Variants in ZNF813 observed in about 807,000 individuals in gnomAD.
The protein encoded by ZNF813 is zinc finger protein 813.
Under a neutral mutation model 7.2 loss-of-function variants are expected in ZNF813, and 3 were observed. The observed-to-expected ratio is 0.42, with a 90% CI of 0.19 to 1.08. The LOEUF is 1.08. ZNF813 is among the 50% of genes least tolerant of loss of function. The pLI is 0.30. For synonymous variants in ZNF813, 227 were observed against 256.3 expected (o/e 0.89, Z 1.09); for missense variants, 714 against 753.3 (o/e 0.95, Z 0.61).
chr19:53,483,901 T>A, intron 2 of ZNF813, 64 bp downstream of exon 2: 1 of 1,612,978 alleles, frequency 6.2e-7, no homozygotes, highest in Admixed American at 1.7e-5. Flanking sequence ...GGCCTTGGAG[T>A]TGGGAATCTT....
At chr19:53,473,042 T>A (rs2086367013) in intron 1 of ZNF813, among the ~76,000 whole-genome samples, 1 of 152,134 alleles carries the variant, frequency 6.6e-6, no homozygotes, top group African/African-American at 2.4e-5. Flanking sequence ...CTATAGTTGC[T>A]TTTTCTACCA....
At chr19:53,476,698 C>G (rs1325333209) in intron 1 of ZNF813, among the ~76,000 whole-genome samples, 1 of 151,810 alleles carries the variant, frequency 6.6e-6, no homozygotes. Flanking sequence ...CTGTCGCCGA[C>G]GCTTAAGTGC....
chr19:53,488,334 T>TA (rs1600114346), intron 3 of ZNF813: 5 of 428,154 alleles, frequency 1.2e-5, no homozygotes, highest in Admixed American at 5.3e-5. Context: ...GTCTGTCTTT[T>TA]AATTTACCTT....
chr19:53,472,875 GT>G (rs1230022805), intron 1 of ZNF813, among the ~76,000 whole-genome samples: 1 of 152,098 alleles, frequency 6.6e-6, no homozygotes, highest in Non-Finnish European at 1.5e-5. Flanking sequence ...GCCTCCCAGA[GT>G]GCTGGAATTA....
Position 53,471,651 on chromosome 19 carries a change from T to C in ZNF813, c.-74+3862T>C, listed in dbSNP as rs149764630. On this transcript the variant is annotated intron_variant, in intron 1 of 3. Coordinates refer to ENST00000396403, the MANE Select transcript of ZNF813 (RefSeq NM_001004301.4). ...GGTGAAACCCCGTCTGTACTAAAAA[T>C]ACAAAAAGCAATTAGCCAGTCTTGG... 4.5e-4 allele frequency among the ~76,000 whole-genome samples: 69 copies of C among 151,664 alleles called. 1 individual carries two copies. The highest frequency in any genetic ancestry group is 1.5e-3 in the African/African-American group (62 of 41,290).
At position 53,492,181 on chromosome 19, in the gene ZNF813, A is replaced by AT; in HGVS notation, c.*97dup. On this transcript the variant is annotated 3_prime_UTR_variant, in exon 4 of 4. Transcript: ENST00000396403. ...CTTCTGTCACAATTCAGTCCTTGTA[A>AT]TTCATAAGAATTCATACTGGAGAGA... The AT allele has an allele frequency of 6.7e-7, 1 of 1,496,912 alleles. No individual in the cohort carries two copies. Among genetic ancestry groups the AT allele is most frequent in the Non-Finnish European group, 9.0e-7 (1 of 1,110,426 alleles). 92.7% of individuals were successfully genotyped at this position (1,496,912 alleles called of 1,614,324 possible).
intron 1 of ZNF813, among the ~76,000 whole-genome samples, chr19:53,475,954 T>C (rs192527697): frequency 1.2e-4 from 19 of 152,320 alleles, no homozygotes; most frequent in Admixed American, 1.2e-3. Context: ...CTCCTCTTTT[T>C]GTGGCTTCCT....
intron 1 of ZNF813, among the ~76,000 whole-genome samples, chr19:53,482,712 GTTTTTTTTT>G (rs869250512): frequency 2.2e-5 from 2 of 89,090 alleles, no homozygotes; most frequent in Non-Finnish European, 4.1e-5. Context: ...AATGCTTTTT[GTTTTTTTTT>G]TTTTTTTTTT....
chr19:53,487,488 T>G (rs943948457), intron 3 of ZNF813, among the ~76,000 whole-genome samples: 3 of 152,148 alleles, frequency 2.0e-5, no homozygotes, highest in African/African-American at 7.2e-5. Context: ...TCACCGCAAC[T>G]GGCTCTGCCT....
At position 53,492,709 on chromosome 19, in the gene ZNF813, A is replaced by G. The variant is rs2086469784; in HGVS notation, c.*623A>G. On this transcript the variant is annotated 3_prime_UTR_variant, in exon 4 of 4. Transcript: ENST00000396403. The stretch of plus-strand genomic sequence containing the variant: ...AGAACCCATAAGGAAGAGAGATCAT[A>G]CAAGTGTAATAATCGGCAAATTTTT... The G allele has an allele frequency of 6.7e-6, 5 of 749,986 alleles. No individual in the cohort carries two copies. Among genetic ancestry groups the G allele is most frequent in the African/African-American group, 3.6e-5 (2 of 56,134 alleles). 46.5% of individuals were successfully genotyped at this position (749,986 alleles called of 1,614,324 possible).
rs372871030 is a variant in ZNF813, at chr19:53,491,450, C to T, written c.1218C>T (p.Thr406=). The change falls in exon 4 of 4, where the codon ACC becomes ACT. Residue 406 remains threonine (T), a synonymous_variant. Transcript: ENST00000396403. ...TTAAATGCCATCGTAGACTTCATAC[C>T]GGAGAGAAGCCTTACAAGTGTAATG... The part of the protein sequence containing the change: ...LTLKCHRRLH[T]GEKPYKCNEC... 7.1e-5 allele frequency: 115 copies of T among 1,613,034 alleles called. No individual in the cohort carries two copies. The highest frequency in any genetic ancestry group is 1.6e-4 in the Middle Eastern group (1 of 6,078).
intron 3 of ZNF813, among the ~76,000 whole-genome samples, chr19:53,487,742 G>C (rs191511902): frequency 2.7e-5 from 4 of 150,012 alleles, no homozygotes; most frequent in Non-Finnish European, 5.9e-5. Flanking sequence ...AGGTTGCAGT[G>C]AGCTGAGACT....
At chr19:53,485,596 CAT>C (rs1568831865) in intron 2 of ZNF813, among the ~76,000 whole-genome samples, 1 of 149,766 alleles carries the variant, frequency 6.7e-6, no homozygotes, top group Non-Finnish European at 1.5e-5. Flanking sequence ...ATATGTATGT[CAT>C]GATATATATC....
chr19:53,475,976 A>G (rs1276204840), intron 1 of ZNF813, among the ~76,000 whole-genome samples: 1 of 152,106 alleles, frequency 6.6e-6, no homozygotes, highest in African/African-American at 2.4e-5. Context: ...TTAACGACTT[A>G]GCCATCAGTG....
Position 53,490,933 on chromosome 19 carries a change from A to G in ZNF813, c.701A>G (p.Gln234Arg). The change falls in exon 4 of 4, where the codon CAA becomes CGA. Residue 234 changes from glutamine (Q) to arginine (R), a missense_variant. Gln to Arg is a conservative substitution (Grantham distance 43). Around this residue, in one of 3 missense-constraint regions of ZNF813, gnomAD observed 563 missense variants for 554.2 expected, o/e 1.02. Transcript: ENST00000396403. ...TATAGCTCACTCTTAAGGAAACATC[A>G]AATAATCCATTTAGGAGAGAAACAA... ...FNYSSLLRKHQIIHLGEKQYK... is the reference protein window; with the variant it reads ...FNYSSLLRKHRIIHLGEKQYK... 6 of 1,614,172 alleles carry G rather than the reference A, an allele frequency of 3.7e-6. No homozygotes were observed. The highest frequency in any genetic ancestry group is 5.1e-6 in the Non-Finnish European group (6 of 1,179,996).
At position 53,494,151 on chromosome 19, in the gene ZNF813, C is replaced by T. The variant is rs1232064042; in HGVS notation, c.*2065C>T. ...AAGTGGCACTTGAGTATCTACAGTC[C>T]TTTTTACATCCTCTTGAATACAGCT... On this transcript the variant is annotated 3_prime_UTR_variant, in exon 4 of 4. Coordinates refer to ENST00000396403, the MANE Select transcript of ZNF813 (RefSeq NM_001004301.4). 2.0e-5 allele frequency: 3 copies of T among 152,150 alleles called. No homozygotes were observed. Among genetic ancestry groups the T allele is most frequent in the Admixed American group, 6.5e-5 (1 of 15,272 alleles). 9.4% of individuals were successfully genotyped at this position (152,150 alleles called of 1,614,324 possible).
chr19:53,494,267 A>G lies in ZNF813; in HGVS notation c.*2181A>G, dbSNP rs2086476877. On this transcript the variant is annotated 3_prime_UTR_variant, in exon 4 of 4. Transcript: ENST00000396403. Reference sequence around the variant, plus strand: ...TGTGTATGAATTTCCCAGTTTTTGCACCAAAATAAACTGGTACGAATCTGT... The same window carrying G: ...TGTGTATGAATTTCCCAGTTTTTGCGCCAAAATAAACTGGTACGAATCTGT... The G allele has an allele frequency of 6.6e-6, 1 of 152,178 alleles. No individual in the cohort carries two copies. The highest frequency in any genetic ancestry group is 1.5e-5 in the Non-Finnish European group (1 of 68,032). The allele number at this position is 152,178 out of a possible 1,614,324, so 9.4% of individuals were successfully genotyped here. A position where few individuals can be genotyped will look rare whatever the true frequency, so the allele number is the denominator to read the frequency against.
At chr19:53,482,182 C>T (rs1249819811) in intron 1 of ZNF813, among the ~76,000 whole-genome samples, 1 of 151,954 alleles carries the variant, frequency 6.6e-6, no homozygotes, top group African/African-American at 2.4e-5. Context: ...GGATGCAGTA[C>T]CCCAAAAATA....
At chr19:53,476,228 C>T (rs2086381083) in intron 1 of ZNF813, among the ~76,000 whole-genome samples, 1 of 152,152 alleles carries the variant, frequency 6.6e-6, no homozygotes. Context: ...GATAACAGTC[C>T]TCTTAGATTG....
Sources: gnomAD v4.1 joint callset for allele counts (sites outside exome capture counted in the v4.1 genomes callset) on GRCh38, gnomAD v4.1.1 for gene constraint, gnomAD v4.1.1 regional missense constraint, MANE v1.5 for transcripts, NCBI Gene and HGNC (gene_info 2026-07-23, HGNC 2026-07-21) for gene names.